MCTP1: variants seen among roughly 807,000 people sequenced by gnomAD.
MCTP1 encodes multiple C2 and transmembrane domain containing 1.
In MCTP1, 69 loss-of-function variants were observed where a neutral mutation model predicts 120.6. The ratio of observed to expected loss-of-function variants is 0.57; its 90% confidence interval spans 0.47 to 0.70. MCTP1 has a LOEUF of 0.70. Ranked by LOEUF, MCTP1 falls within the 30% of genes least tolerant of loss-of-function variation. The pLI is 0.00. For missense variants in MCTP1, 1,203 were observed against 1,248.8 expected (o/e 0.96, Z 0.55); for synonymous variants, 529 against 493.1 (o/e 1.07, Z -0.96).
At chr5:94,926,995 C>T (rs987379591) in intron 6 of MCTP1, among the ~76,000 whole-genome samples, 1 of 152,150 alleles carries the variant, frequency 6.6e-6, no homozygotes, top group African/African-American at 2.4e-5. Flanking sequence ...TTTAGAAAAG[C>T]CAACAAGAGT....
At chr5:95,214,101 T>C (rs1257805562) in intron 1 of MCTP1, among the ~76,000 whole-genome samples, 1 of 152,284 alleles carries the variant, frequency 6.6e-6, no homozygotes, top group African/African-American at 2.4e-5. Context: ...GAGAAAATTT[T>C]GGCAACCTAC....
intron 1 of MCTP1, among the ~76,000 whole-genome samples, chr5:95,083,086 G>A (rs11746442): frequency 0.91 from 139,282 of 152,250 alleles, 64,245 homozygotes; most frequent in Non-Finnish European, 0.98. Context: ...TTTTCTTTCA[G>A]GAGGCTATTG....
At chr5:95,050,761 G>A (rs1467414822) in intron 1 of MCTP1, among the ~76,000 whole-genome samples, 1 of 152,192 alleles carries the variant, frequency 6.6e-6, no homozygotes, top group Non-Finnish European at 1.5e-5. Context: ...CAGTGTGGAA[G>A]TTCTAATTCC....
At position 94,894,004 on chromosome 5, in the gene MCTP1, G is replaced by A. The variant is rs140140761; in HGVS notation, c.1839+645C>T. Among the ~76,000 whole-genome samples, 7 of 152,302 alleles carry A rather than the reference G, an allele frequency of 4.6e-5. No individual in the cohort carries two copies. The East Asian group carries it at 9.7e-4, about 21-fold the overall frequency. On this transcript the variant is annotated intron_variant, in intron 11 of 22. Coordinates refer to ENST00000515393, the MANE Select transcript of MCTP1 (RefSeq NM_024717.7). ...AACTACATGGTGGGAAATGTCCAGC[G>A]GGAGGATGCTGGGAAATAGTAAGAT...
chr5:94,782,158 T>C (rs1341720066), intron 18 of MCTP1, among the ~76,000 whole-genome samples: 1 of 152,148 alleles, frequency 6.6e-6, no homozygotes, highest in Non-Finnish European at 1.5e-5. Flanking sequence ...ACAGTTCCTG[T>C]GTCAAAGGAA....
chr5:95,216,629 T>C (rs2152581153), intron 1 of MCTP1, among the ~76,000 whole-genome samples: 1 of 147,104 alleles, frequency 6.8e-6, no homozygotes, highest in Admixed American at 6.8e-5. Flanking sequence ...CACAGCACTC[T>C]AAGAAGTAGC....
chr5:94,749,654 CAAAAAAAAAAAAAAAAA>C (rs57404381), intron 19 of MCTP1, among the ~76,000 whole-genome samples: 1 of 50,962 alleles, frequency 2.0e-5, no homozygotes, highest in East Asian at 9.8e-4. Flanking sequence ...GACTTCATCT[CAAAAAAAAAAAAAAAAA>C]AAAAAAAAAA....
chr5:95,226,503 T>C (rs1754286727), intron 1 of MCTP1, among the ~76,000 whole-genome samples: 1 of 152,136 alleles, frequency 6.6e-6, no homozygotes, highest in Non-Finnish European at 1.5e-5. Flanking sequence ...TCTTGGTAAG[T>C]GGCCACACAT....
At chr5:94,714,602 GA>G (rs1758402360) in intron 20 of MCTP1, among the ~76,000 whole-genome samples, 174 bp downstream of exon 20, 1 of 152,128 alleles carries the variant, frequency 6.6e-6, no homozygotes, top group South Asian at 2.1e-4. Context: ...GAAATTGACA[GA>G]ACTTTCATAA....
chr5:94,783,595 C>T (rs1228439388), intron 18 of MCTP1, among the ~76,000 whole-genome samples: 1 of 151,898 alleles, frequency 6.6e-6, no homozygotes, highest in Admixed American at 6.6e-5. Flanking sequence ...AACAAGAAAA[C>T]CAATGATGAA....
intron 17 of MCTP1, among the ~76,000 whole-genome samples, chr5:94,830,402 C>T (rs1210321245): frequency 6.6e-6 from 1 of 152,164 alleles, no homozygotes; most frequent in Non-Finnish European, 1.5e-5. Flanking sequence ...CTTTTACTTC[C>T]AAATTTAATA....
At position 95,284,043 on chromosome 5, in the gene MCTP1, C is replaced by T; in HGVS notation, c.533G>A (p.Arg178His). The change falls in exon 1 of 23, where the codon CGC becomes CAC. Residue 178 changes from arginine (R) to histidine (H), a missense_variant. This residue lies in a region of MCTP1 where 463 missense variants were observed against 377.8 expected (regional missense o/e 1.23). Coordinates refer to ENST00000515393, the MANE Select transcript of MCTP1 (RefSeq NM_024717.7). This position sits in a 1 kb window ranked among gnomAD's most constrained non-coding sequence, Gnocchi z 5.2. ...ACGCCGTGCACCCTCATCTCGGGCGCGGTCCCCCCTCGGGGGAGGCTGGGG... is the reference window on the plus strand; with the variant it reads ...ACGCCGTGCACCCTCATCTCGGGCGTGGTCCCCCCTCGGGGGAGGCTGGGG... The part of the protein sequence containing the change: ...SSPQPPPRGD[R>H]ARDEGARRQG... 1.3e-6 allele frequency: 2 copies of T among 1,520,774 alleles called. No individual in the cohort carries two copies. The highest frequency in any genetic ancestry group is 1.4e-5 in the African/African-American group (1 of 70,476). The allele number at this position is 1,520,774 out of a possible 1,614,324, so 94.2% of individuals were successfully genotyped here.
Position 94,924,022 on chromosome 5 carries a change from C to T in MCTP1, c.1213-1G>A, listed in dbSNP as rs1402178821. On this transcript the variant is annotated splice_acceptor_variant, in intron 6 of 22. Transcript: ENST00000515393. LOFTEE classifies it high-confidence loss of function. ...CAACCACTTCATTTTCTGAAAGTTCCTAGAAACAAACAAATATTTAGCTAC... is the reference window on the plus strand; with the variant it reads ...CAACCACTTCATTTTCTGAAAGTTCTTAGAAACAAACAAATATTTAGCTAC... 1.4e-6 allele frequency: 2 copies of T among 1,481,216 alleles called. No homozygotes were observed. The highest frequency in any genetic ancestry group is 1.5e-5 in the African/African-American group (1 of 68,290). 91.8% of individuals were successfully genotyped at this position (1,481,216 alleles called of 1,614,324 possible). A position where few individuals can be genotyped will look rare whatever the true frequency, so the allele number is the denominator to read the frequency against.
At chr5:95,162,505 C>T (rs1352001219) in intron 1 of MCTP1, among the ~76,000 whole-genome samples, 3 of 152,090 alleles carry the variant, frequency 2.0e-5, no homozygotes, top group Non-Finnish European at 4.4e-5. Flanking sequence ...AGTTACCAAA[C>T]CTGTAGCTAA....
At chr5:94,847,252 G>A (rs955862794) in intron 17 of MCTP1, among the ~76,000 whole-genome samples, 15 of 152,052 alleles carry the variant, frequency 9.9e-5, no homozygotes, top group African/African-American at 2.9e-4. Context: ...AGTTCCATGC[G>A]CTCTGCCAAG....
intron 17 of MCTP1, among the ~76,000 whole-genome samples, chr5:94,859,908 G>A (rs1490461129): frequency 6.6e-6 from 1 of 151,660 alleles, no homozygotes; most frequent in East Asian, 1.9e-4. Flanking sequence ...GACATTTTAT[G>A]ACAACACTGG....
intron 18 of MCTP1, chr5:94,788,660 G>T (rs1192463583): frequency 6.6e-6 from 1 of 152,234 alleles, no homozygotes; most frequent in East Asian, 1.9e-4. Flanking sequence ...AGGTGCTTCT[G>T]TTGGCCCCTT....
intron 17 of MCTP1, among the ~76,000 whole-genome samples, chr5:94,803,832 T>G (rs2153038371): frequency 6.6e-6 from 1 of 152,320 alleles, no homozygotes; most frequent in South Asian, 2.1e-4. Flanking sequence ...GACCCCGATT[T>G]TTCCATGTCT....
At chr5:95,006,590 T>C (rs954012014) in intron 2 of MCTP1, among the ~76,000 whole-genome samples, 5 of 152,194 alleles carry the variant, frequency 3.3e-5, no homozygotes, top group Non-Finnish European at 7.3e-5. Context: ...ACTAGCAACA[T>C]GTTCAATTCA....
Sources: allele counts gnomAD v4.1 joint callset (sites outside exome capture counted in the v4.1 genomes callset), GRCh38; gene constraint gnomAD v4.1.1; regional missense constraint gnomAD v4.1.1; non-coding constraint Gnocchi (gnomAD v3.1); transcripts MANE v1.5; gene names NCBI Gene and HGNC (gene_info 2026-07-23, HGNC 2026-07-21).